Variants in GNB1 observed in about 807,000 individuals in gnomAD.
GNB1 encodes the protein guanine nucleotide-binding protein G(I)/G(S)/G(T) subunit beta-1.
Under a neutral mutation model 42.9 loss-of-function variants are expected in GNB1, and 2 were observed. That is an observed-to-expected ratio of 0.05 (90% CI 0.02 to 0.15). The LOEUF is 0.15. GNB1 is among the 10% of genes least tolerant of loss of function. The probability of loss-of-function intolerance (pLI) is 1.00; values close to 1 mark genes in which losing one functional copy is unlikely to be tolerated. For missense variants in GNB1, 193 were observed against 462.2 expected (o/e 0.42, Z 5.34); for synonymous variants, 183 against 174.7 (o/e 1.05, Z -0.38).
At chr1:1,860,485 A>T (rs913263521) in intron 1 of GNB1, among the ~76,000 whole-genome samples, 2 of 152,146 alleles carry the variant, frequency 1.3e-5, no homozygotes, top group African/African-American at 4.8e-5. Flanking sequence ...AAACAAAAAA[A>T]AATTAGCCAG....
chr1:1,839,558 T>G (rs1647196287), intron 1 of GNB1: 1 of 151,946 alleles, frequency 6.6e-6, no homozygotes, highest in African/African-American at 2.4e-5. Context: ...ATTTAAAAAC[T>G]AATGCAGGCC....
At position 1,786,040 on chromosome 1, in the gene GNB1, C is replaced by A. The variant is rs1244443064; in HGVS notation, c.*1023G>T. 1.0e-5 allele frequency: 4 copies of A among 398,428 alleles called. No homozygotes were observed. The highest frequency in any genetic ancestry group is 1.8e-5 in the Non-Finnish European group (4 of 226,030). The allele number at this position is 398,428 out of a possible 1,614,324, so 24.7% of individuals were successfully genotyped here. On this transcript the variant is annotated 3_prime_UTR_variant, in exon 12 of 12. Transcript: ENST00000378609. The stretch of plus-strand genomic sequence containing the variant: ...CATGCGATTCTAAGAGTAAACCCAC[C>A]CAATATGGCAAACAATCAAAATTTT...
At chr1:1,873,073 C>CATT (rs1491339548) in intron 1 of GNB1, among the ~76,000 whole-genome samples, 1 of 148,946 alleles carries the variant, frequency 6.7e-6, no homozygotes, top group Non-Finnish European at 1.5e-5. Context: ...TTTTTTTCTT[C>CATT]ATTTTCGGTA....
intron 7 of GNB1, among the ~76,000 whole-genome samples, chr1:1,799,489 G>A (rs1243337482): frequency 6.6e-6 from 1 of 152,276 alleles, no homozygotes; most frequent in African/African-American, 2.4e-5. Context: ...GCTGAACATA[G>A]AGAACACCTT....
Position 1,825,514 on chromosome 1 carries a change from C to T in GNB1, c.-46-15G>A. On this transcript the variant is annotated splice_polypyrimidine_tract_variant and intron_variant, in intron 2 of 11. Transcript: ENST00000378609. ...GAATGTGAGATCTGAAACAGAAAGA[C>T]AAGCACAATCAATAAACAACTGTTG... 8.7e-7 allele frequency: 1 copy of T among 1,144,834 alleles called. No homozygotes were observed. The allele number at this position is 1,144,834 out of a possible 1,614,324, so 70.9% of individuals were successfully genotyped here.
At chr1:1,819,509 C>A (rs1399809131) in intron 3 of GNB1, among the ~76,000 whole-genome samples, 4 of 151,964 alleles carry the variant, frequency 2.6e-5, no homozygotes, top group African/African-American at 9.7e-5. Flanking sequence ...GCGTGAGCCA[C>A]CCCGCCTGGC....
intron 3 of GNB1, 55 bp from the exon 4 acceptor site, chr1:1,817,930 G>A (rs542685700): frequency 1.5e-6 from 2 of 1,322,730 alleles, no homozygotes; most frequent in South Asian, 1.2e-5. Flanking sequence ...TTCAATCTCA[G>A]GTCCACACAT....
intron 5 of GNB1, among the ~76,000 whole-genome samples, chr1:1,815,028 C>T (rs1036336325): frequency 6.0e-5 from 9 of 150,378 alleles, no homozygotes; most frequent in South Asian, 2.1e-4. Flanking sequence ...AGGAGAATGG[C>T]GTGAACCCGG....
chr1:1,840,734 G>C (rs1647220565), intron 1 of GNB1, among the ~76,000 whole-genome samples: 1 of 152,196 alleles, frequency 6.6e-6, no homozygotes, highest in Admixed American at 6.6e-5. Context: ...TCCCTCTCCT[G>C]CTGACACGGT....
At position 1,787,557 on chromosome 1, in the gene GNB1, CGG is replaced by C; in HGVS notation, c.917-122_917-121del. 2 of 601,986 alleles carry C rather than the reference CGG, an allele frequency of 3.3e-6. No homozygotes were observed. Among genetic ancestry groups the C allele is most frequent in the Non-Finnish European group, 5.8e-6 (2 of 343,596 alleles). 37.3% of individuals were successfully genotyped at this position (601,986 alleles called of 1,614,324 possible). ...ATGGGACAAGACCCAGAGTCTCCCA[CGG>C]CCAGGAAGGGAGGGAAAGTTGCATC... On this transcript the variant is annotated intron_variant, in intron 10 of 11. Transcript: ENST00000378609. This position sits in a 1 kb window ranked among gnomAD's most constrained non-coding sequence, Gnocchi z 4.4.
At position 1,840,203 on chromosome 1, in the gene GNB1, G is replaced by A. The variant is rs1647207895; in HGVS notation, c.-95-965C>T. Among the ~76,000 whole-genome samples, 3 of 150,446 alleles carry A rather than the reference G, an allele frequency of 2.0e-5. No homozygotes were observed. In the East Asian group the frequency reaches 5.9e-4, roughly 29 times the overall value. On this transcript the variant is annotated intron_variant, in intron 1 of 11. Transcript: ENST00000378609. ...AGATCACGCCACTACACTTCAGCCTGGGTGATAGAGCAAGACACCGTCTCG... is the reference window on the plus strand; with the variant it reads ...AGATCACGCCACTACACTTCAGCCTAGGTGATAGAGCAAGACACCGTCTCG...
chr1:1,842,452 A>T (rs1026076574), intron 1 of GNB1, among the ~76,000 whole-genome samples: 53 of 151,318 alleles, frequency 3.5e-4, no homozygotes, highest in African/African-American at 1.1e-3. Context: ...AAAAAAAAAG[A>T]AGTCCTGGTC....
At chr1:1,849,507 A>T (rs1274037092) in intron 1 of GNB1, among the ~76,000 whole-genome samples, 1 of 152,128 alleles carries the variant, frequency 6.6e-6, no homozygotes, top group Non-Finnish European at 1.5e-5. Context: ...CCCAGGCTCA[A>T]GCGATCCTCC....
chr1:1,827,774 A>G (rs9786942), intron 2 of GNB1, among the ~76,000 whole-genome samples: 60,197 of 151,962 alleles, frequency 0.4, 14,406 homozygotes, highest in Admixed American at 0.55. Flanking sequence ...GGGTAGTTTT[A>G]TTTCACCAGC....
chr1:1,817,776 G>A (rs1646876586), intron 4 of GNB1, 61 bp downstream of exon 4: 2 of 1,205,018 alleles, frequency 1.7e-6, no homozygotes, highest in African/African-American at 3.0e-5. Flanking sequence ...GGCTCCAGGT[G>A]TGGGTGCCGT....
intron 1 of GNB1, among the ~76,000 whole-genome samples, chr1:1,842,201 C>A (rs926911364): frequency 1.3e-5 from 2 of 152,102 alleles, no homozygotes; most frequent in African/African-American, 2.4e-5. Context: ...GAGGCCAAGG[C>A]GGGCAGATCA....
chr1:1,789,421 G>A (rs558547865), intron 9 of GNB1, 152 bp from the exon 10 acceptor site: 194 of 606,830 alleles, frequency 3.2e-4, no homozygotes, highest in African/African-American at 3.9e-4. Flanking sequence ...GGCCGGGTGC[G>A]GTGGCTCATG....
chr1:1,841,254 T>C (rs527284898), intron 1 of GNB1, among the ~76,000 whole-genome samples: 11 of 152,254 alleles, frequency 7.2e-5, no homozygotes, highest in African/African-American at 2.4e-4. Flanking sequence ...AGTGGCATGA[T>C]CTTGGCTCAC....
chr1:1,874,603 T>A (rs1423160918), intron 1 of GNB1, among the ~76,000 whole-genome samples: 6 of 48,946 alleles, frequency 1.2e-4, no homozygotes, highest in Non-Finnish European at 1.6e-4. Flanking sequence ...CAAGACTCCA[T>A]CTAAAAAAAA....
Sources: gnomAD v4.1 joint callset for allele counts (sites outside exome capture counted in the v4.1 genomes callset) on GRCh38, gnomAD v4.1.1 for gene constraint, Gnocchi (gnomAD v3.1) non-coding constraint, MANE v1.5 for transcripts, NCBI Gene and HGNC (gene_info 2026-07-23, HGNC 2026-07-21) for gene names.